The following ATG4B variants were observed in gnomAD, a reference collection of about 807,000 sequenced individuals.
The protein encoded by ATG4B is cysteine protease ATG4B.
ATG4B carries 29 observed loss-of-function variants against 56.6 expected under a neutral mutation model. The ratio of observed to expected loss-of-function variants is 0.51; its 90% CI spans 0.38 to 0.70. The LOEUF is 0.70. Among genes scored for constraint, ATG4B ranks in the 30% least tolerant of loss-of-function variants. The pLI, the probability that ATG4B is intolerant of heterozygous loss-of-function variation, is 0.00. For missense variants in ATG4B, 461 were observed against 515.5 expected (o/e 0.89, Z 1.02); for synonymous variants, 224 against 206.1 (o/e 1.09, Z -0.74).
intron 1 of ATG4B, 169 bp downstream of exon 1, chr2:241,637,893 G>A (rs2067721470): frequency 1.8e-6 from 1 of 568,890 alleles, no homozygotes; most frequent in Non-Finnish European, 2.6e-6. Context: ...GGTGGGTGGT[G>A]GGCGGTGGGA....
intron 1 of ATG4B, among the ~76,000 whole-genome samples, chr2:241,641,026 T>C (rs930676733): frequency 2.6e-5 from 4 of 152,156 alleles, no homozygotes; most frequent in Non-Finnish European, 4.4e-5. Context: ...CTTTTGAGAA[T>C]GTACTGCAGA....
Position 241,653,442 on chromosome 2 carries a change from C to T in ATG4B, c.185-70C>T, listed in dbSNP as rs969095549. 9.7e-6 allele frequency: 15 copies of T among 1,551,154 alleles called. No individual in the cohort carries two copies. The African/African-American group carries it at 2.1e-4, about 21-fold the overall frequency. Reference sequence around the variant, plus strand: ...GTGGTGTGGGACTGACCGGCTGCCTCCTGCCAGTGGGCTTGTGGCCTGTGG... The same window carrying T: ...GTGGTGTGGGACTGACCGGCTGCCTTCTGCCAGTGGGCTTGTGGCCTGTGG... On this transcript the variant is annotated intron_variant, in intron 3 of 12. Coordinates refer to ENST00000404914, the MANE Select transcript of ATG4B (RefSeq NM_013325.5).
In ATG4B at chr2:241,651,959, A is replaced by C. The variant is rs531044440; in HGVS notation, c.184+624A>C. On this transcript the variant is annotated intron_variant, in intron 3 of 12. Transcript: ENST00000404914. This position sits in a 1 kb window ranked among gnomAD's most constrained non-coding sequence, Gnocchi z 4.1. ...TCTCAGCCTTGCCTCTCACCGGCGG[A>C]GAACTGAGGCCGGAGGTGAGGGCCG... is the stretch of plus-strand genomic sequence containing the variant. The C allele has an allele frequency of 4.6e-6, 6 of 1,303,936 alleles. No homozygotes were observed. Among genetic ancestry groups the C allele is most frequent in the African/African-American group, 3.0e-5 (2 of 65,862 alleles). 80.8% of individuals were successfully genotyped at this position (1,303,936 alleles called of 1,614,324 possible).
Position 241,672,333 on chromosome 2 carries a change from C to T in ATG4B, c.*69C>T, listed in dbSNP as rs1343519254. 11 of 1,396,864 alleles carry T rather than the reference C, an allele frequency of 7.9e-6. No homozygotes were observed. The African/African-American group carries it at 1.0e-4, about 13-fold the overall frequency. The allele number at this position is 1,396,864 out of a possible 1,614,324, so 86.5% of individuals were successfully genotyped here. ...CTGGTGCCGCTGCGTTTCATCCATC[C>T]CGCCCGCTCGCCTGCCGAGGGCTGC... On this transcript the variant is annotated 3_prime_UTR_variant, in exon 13 of 13. Transcript: ENST00000404914.
intron 10 of ATG4B, among the ~76,000 whole-genome samples, chr2:241,670,246 G>A (rs973605258): frequency 1.3e-5 from 2 of 151,950 alleles, no homozygotes; most frequent in African/African-American, 4.8e-5. Context: ...ACCCTTGGCC[G>A]GTCCCCTGTC....
chr2:241,647,159 A>T (rs921647377), intron 1 of ATG4B, among the ~76,000 whole-genome samples: 1 of 152,212 alleles, frequency 6.6e-6, no homozygotes, highest in African/African-American at 2.4e-5. Context: ...ATTAAGGAAC[A>T]TCTGTAGTCT....
chr2:241,654,284 G>T (rs998291276), intron 4 of ATG4B, among the ~76,000 whole-genome samples: 2 of 151,974 alleles, frequency 1.3e-5, no homozygotes, highest in African/African-American at 4.8e-5. Flanking sequence ...AGCTAGGCTT[G>T]GTGACATGTG....
chr2:241,648,755 C>G (rs954001328), intron 1 of ATG4B, among the ~76,000 whole-genome samples: 1 of 152,158 alleles, frequency 6.6e-6, no homozygotes, highest in African/African-American at 2.4e-5. Context: ...CCTGGGTCTC[C>G]CACAGCTGAG....
chr2:241,654,458 T>G (rs543539112), intron 4 of ATG4B, 88 bp from the exon 5 acceptor site: 85 of 815,996 alleles, frequency 1.0e-4, no homozygotes, highest in Admixed American at 4.5e-4. Flanking sequence ...TGAAAAAGGT[T>G]TGGATGCCAT....
At chr2:241,656,200 C>T (rs1377461029) in intron 6 of ATG4B, among the ~76,000 whole-genome samples, 1 of 152,216 alleles carries the variant, frequency 6.6e-6, no homozygotes, top group African/African-American at 2.4e-5. Flanking sequence ...CCCTCACCCA[C>T]AGCCTGCTCC....
chr2:241,668,472 G>T lies in ATG4B; in HGVS notation c.812-68G>T. ...GATGTGGGTGCAGTGGGTCTGAAAT[G>T]CGGCCTCCTCTGTCCCTTTCCTCTG... On this transcript the variant is annotated intron_variant, in intron 9 of 12. Transcript: ENST00000404914. The surrounding 1 kb of genome is among the most constrained non-coding windows in gnomAD (Gnocchi z 4.2). The T allele has an allele frequency of 2.6e-6, 4 of 1,556,668 alleles. No homozygotes were observed. The highest frequency in any genetic ancestry group is 2.6e-6 in the Non-Finnish European group (3 of 1,154,918).
rs372391058 is a variant in ATG4B, at chr2:241,668,694, C to T, written c.957+9C>T. ...ACCCGTCCATCGCTGTGGTACGTGG[C>T]GGCCACCTGAGCACACAGGCATTTG... On this transcript the variant is annotated intron_variant, in intron 10 of 12. Transcript: ENST00000404914. This position sits in a 1 kb window ranked among gnomAD's most constrained non-coding sequence, Gnocchi z 4.2. 75 of 1,564,930 alleles carry T rather than the reference C, an allele frequency of 4.8e-5. No homozygotes were observed. Among genetic ancestry groups the T allele is most frequent in the Non-Finnish European group, 6.0e-5 (69 of 1,156,970 alleles).
chr2:241,670,619 A>C (rs924368187), intron 10 of ATG4B, 107 bp from the exon 11 acceptor site: 1 of 1,052,242 alleles, frequency 9.5e-7, no homozygotes, highest in Non-Finnish European at 1.4e-6. Flanking sequence ...CAGCACCTGC[A>C]TGCTGGGGGC....
chr2:241,661,989 T>A (rs562483334), intron 7 of ATG4B, among the ~76,000 whole-genome samples: 10 of 151,710 alleles, frequency 6.6e-5, no homozygotes, highest in Non-Finnish European at 1.3e-4. Flanking sequence ...AGAAACAGAG[T>A]GGGGAGGAGA....
At chr2:241,637,895 G>A (rs1311280904) in intron 1 of ATG4B, 171 bp downstream of exon 1, 7 of 538,576 alleles carry the variant, frequency 1.3e-5, no homozygotes, top group Non-Finnish European at 1.9e-5. Flanking sequence ...TGGGTGGTGG[G>A]CGGTGGGAGC....
chr2:241,654,009 A>AAG (rs1553564928), intron 4 of ATG4B, among the ~76,000 whole-genome samples: 1 of 148,200 alleles, frequency 6.7e-6, no homozygotes, highest in Non-Finnish European at 1.5e-5. Context: ...AAAAAAAAAA[A>AAG]AAGAAGAAGA....
intron 11 of ATG4B, 28 bp downstream of exon 11, chr2:241,670,810 G>C (rs752868750): frequency 1.9e-4 from 310 of 1,593,146 alleles, no homozygotes; most frequent in Non-Finnish European, 2.5e-4. Flanking sequence ...ACCCACAGCC[G>C]AGCTGAGCCA....
chr2:241,648,215 G>A (rs1490177794), intron 1 of ATG4B, among the ~76,000 whole-genome samples: 1 of 152,222 alleles, frequency 6.6e-6, no homozygotes, highest in East Asian at 1.9e-4. Flanking sequence ...AGGAGAGAAT[G>A]TAAACTTGGA....
intron 10 of ATG4B, among the ~76,000 whole-genome samples, chr2:241,670,129 C>A (rs955795518): frequency 6.6e-6 from 1 of 152,200 alleles, no homozygotes; most frequent in Non-Finnish European, 1.5e-5. Flanking sequence ...TTGAGCTTCT[C>A]CCCCCATTTC....
Sources: gnomAD v4.1 joint callset for allele counts (sites outside exome capture counted in the v4.1 genomes callset) on GRCh38, gnomAD v4.1.1 for gene constraint, Gnocchi (gnomAD v3.1) non-coding constraint, MANE v1.5 for transcripts, NCBI Gene and HGNC (gene_info 2026-07-23, HGNC 2026-07-21) for gene names.